DGKI: variants seen among roughly 807,000 people sequenced by gnomAD.
DGKI encodes the protein DAG kinase iota.
In DGKI, 55 loss-of-function variants were observed where a neutral mutation model predicts 147.5. The ratio of observed to expected loss-of-function variants is 0.37; its 90% CI spans 0.30 to 0.47. The LOEUF is 0.47. DGKI is among the 20% of genes least tolerant of loss of function. DGKI has a pLI of 1.00. For missense variants in DGKI, 1,007 were observed against 1,323.8 expected, an observed-to-expected ratio of 0.76 and a Z score of 3.71; for synonymous variants, 469 against 477.1, an observed-to-expected ratio of 0.98 and a Z score of 0.22.
At chr7:137,529,218 A>G (rs1817253431) in intron 20 of DGKI, among the ~76,000 whole-genome samples, 1 of 152,124 alleles carries the variant, frequency 6.6e-6, no homozygotes. Flanking sequence ...AAATTACTTA[A>G]TGGGTACAAC....
chr7:137,653,801 C>A (rs1410778082), intron 5 of DGKI, among the ~76,000 whole-genome samples: 1 of 152,142 alleles, frequency 6.6e-6, no homozygotes, highest in African/African-American at 2.4e-5. Context: ...TATCAGAAAT[C>A]ATTTTTACCA....
At chr7:137,638,632 G>GTATATATACACATATGTA (rs1563126028) in intron 6 of DGKI, among the ~76,000 whole-genome samples, 1 of 31,472 alleles carries the variant, frequency 3.2e-5, no homozygotes, top group Non-Finnish European at 4.8e-5. Context: ...ATATATATGT[G>GTATATATACACATATGTA]TGTATATATG....
chr7:137,427,707 G>A (rs1478877130), intron 28 of DGKI, among the ~76,000 whole-genome samples: 1 of 151,932 alleles, frequency 6.6e-6, no homozygotes, highest in Non-Finnish European at 1.5e-5. Flanking sequence ...AATAAAAAAT[G>A]ATAAAGGGGA....
chr7:137,795,308 T>C (rs1221271941), intron 1 of DGKI, among the ~76,000 whole-genome samples: 2 of 152,178 alleles, frequency 1.3e-5, no homozygotes, highest in Non-Finnish European at 2.9e-5. Context: ...ACCAGTGGCC[T>C]AGTAGCTATT....
At chr7:137,719,975 C>T (rs77095975) in intron 1 of DGKI, among the ~76,000 whole-genome samples, 2 of 152,114 alleles carry the variant, frequency 1.3e-5, no homozygotes, top group African/African-American at 2.4e-5. Flanking sequence ...AGCATGATTA[C>T]GTGCAGGATA....
intron 1 of DGKI, among the ~76,000 whole-genome samples, chr7:137,778,068 A>G (rs149052150): frequency 6.7e-4 from 102 of 152,356 alleles, no homozygotes; most frequent in African/African-American, 2.4e-3. Flanking sequence ...AAACAATTAA[A>G]TATAAGTTGA....
intron 1 of DGKI, among the ~76,000 whole-genome samples, chr7:137,696,529 C>T (rs897481029): frequency 1.6e-5 from 2 of 128,214 alleles, no homozygotes; most frequent in African/African-American, 6.0e-5. Flanking sequence ...ATTTCTCAGA[C>T]AGGATTTAAT....
intron 10 of DGKI, among the ~76,000 whole-genome samples, chr7:137,600,375 T>C (rs1689038254): frequency 6.6e-6 from 1 of 152,200 alleles, no homozygotes; most frequent in Non-Finnish European, 1.5e-5. Context: ...TGAATGTCAG[T>C]TTAGATGTTT....
chr7:137,551,554 T>A (rs1207685056), intron 20 of DGKI, among the ~76,000 whole-genome samples: 1 of 152,162 alleles, frequency 6.6e-6, no homozygotes, highest in African/African-American at 2.4e-5. Context: ...CTTAAGCACA[T>A]AGCATGATAT....
At chr7:137,505,039 C>T (rs1816317913) in intron 21 of DGKI, among the ~76,000 whole-genome samples, 1 of 149,240 alleles carries the variant, frequency 6.7e-6, no homozygotes, top group Non-Finnish European at 1.5e-5. Context: ...GAAAACCAAA[C>T]ACCGCATGTT....
At chr7:137,577,062 G>A (rs1301094158) in intron 17 of DGKI, among the ~76,000 whole-genome samples, 160 bp downstream of exon 17, 1 of 152,184 alleles carries the variant, frequency 6.6e-6, no homozygotes, top group Non-Finnish European at 1.5e-5. Context: ...AACTAAGACA[G>A]TGCCTGACAC....
At chr7:137,595,631 C>G (rs1585267230) in intron 12 of DGKI, among the ~76,000 whole-genome samples, 1 of 152,238 alleles carries the variant, frequency 6.6e-6, no homozygotes, top group South Asian at 2.1e-4. Flanking sequence ...CCCATACTTT[C>G]AAATATTCAT....
At chr7:137,635,895 A>G (rs1430471408) in intron 6 of DGKI, among the ~76,000 whole-genome samples, 1 of 152,172 alleles carries the variant, frequency 6.6e-6, no homozygotes, top group Non-Finnish European at 1.5e-5. Flanking sequence ...CCGGGCTTTG[A>G]GGGTCTAAAT....
intron 28 of DGKI, among the ~76,000 whole-genome samples, chr7:137,422,313 G>T (rs1172239275): frequency 6.6e-6 from 1 of 152,120 alleles, no homozygotes; most frequent in Non-Finnish European, 1.5e-5. Flanking sequence ...CCAGCAAAGG[G>T]TCTTAAAATA....
Position 137,423,221 on chromosome 7 carries a change from G to A in DGKI, c.2762-11014C>T, listed in dbSNP as rs1812649932. On this transcript the variant is annotated intron_variant, in intron 28 of 32. Coordinates refer to ENST00000614521, the MANE Select transcript of DGKI (RefSeq NM_001321708.2). Reference sequence around the variant, plus strand: ...CCCACAAATGAGAGGAAGGTGCCATGTAAAAGAAAAGTGCTGCTGGCCTGT... The same window carrying A: ...CCCACAAATGAGAGGAAGGTGCCATATAAAAGAAAAGTGCTGCTGGCCTGT... Among the ~76,000 whole-genome samples, 4 of 152,204 alleles carry A rather than the reference G, an allele frequency of 2.6e-5. No homozygotes were observed. The South Asian group carries it at 8.3e-4, about 32-fold the overall frequency.
intron 27 of DGKI, among the ~76,000 whole-genome samples, chr7:137,445,513 C>T (rs902066306): frequency 1.1e-4 from 17 of 152,120 alleles, no homozygotes; most frequent in African/African-American, 4.1e-4. Context: ...ACTGGATTCC[C>T]TTATTTTTTA....
intron 1 of DGKI, among the ~76,000 whole-genome samples, chr7:137,813,592 A>G (rs1797654585): frequency 6.6e-6 from 1 of 152,020 alleles, no homozygotes; most frequent in Non-Finnish European, 1.5e-5. Flanking sequence ...ACTGATGTCA[A>G]CTCCTTCCTC....
chr7:137,475,571 T>C (rs1267216491), intron 23 of DGKI, among the ~76,000 whole-genome samples: 1 of 152,232 alleles, frequency 6.6e-6, no homozygotes, highest in South Asian at 2.1e-4. Context: ...ATTATTCTTT[T>C]TCCTGTGATA....
chr7:137,576,358 T>G (rs903940003), intron 17 of DGKI, among the ~76,000 whole-genome samples: 61 of 151,544 alleles, frequency 4.0e-4, no homozygotes, highest in African/African-American at 1.4e-3. Context: ...ATTCTTATTC[T>G]TTAGAATAAG....
Sources: gnomAD v4.1 joint callset for allele counts (sites outside exome capture counted in the v4.1 genomes callset) on GRCh38, gnomAD v4.1.1 for gene constraint, MANE v1.5 for transcripts, NCBI Gene and HGNC (gene_info 2026-07-23, HGNC 2026-07-21) for gene names.